NBEA: variants seen among roughly 807,000 people sequenced by gnomAD.
NBEA encodes the protein lysosomal-trafficking regulator 2.
A neutral mutation model predicts 343.4 loss-of-function variants in NBEA; 44 were observed. That is an observed-to-expected ratio of 0.13 (90% CI 0.10 to 0.16). The LOEUF (loss-of-function observed/expected upper bound fraction) is 0.16. Ranked by LOEUF, NBEA falls within the 10% of genes least tolerant of loss-of-function variation. The probability of loss-of-function intolerance (pLI) is 1.00; values close to 1 mark genes in which losing one functional copy is unlikely to be tolerated. For missense variants in NBEA, 2,555 were observed against 3,631.3 expected, an observed-to-expected ratio of 0.70 and a Z score of 7.62; for synonymous variants, 1,175 against 1,238.7, an observed-to-expected ratio of 0.95 and a Z score of 1.08.
intron 18 of NBEA, among the ~76,000 whole-genome samples, chr13:35,143,673 A>T (rs1276947673): frequency 6.6e-6 from 1 of 152,184 alleles, no homozygotes; most frequent in Non-Finnish European, 1.5e-5. Flanking sequence ...TTTTAAAAAT[A>T]AAAATGAGAG....
intron 34 of NBEA, among the ~76,000 whole-genome samples, chr13:35,259,588 A>G (rs2033021199): frequency 6.6e-6 from 1 of 151,996 alleles, no homozygotes. Context: ...ATTTTGCTAA[A>G]TCTCACAAAA....
At chr13:35,562,048 C>G (rs1283801812) in intron 44 of NBEA, among the ~76,000 whole-genome samples, 1 of 151,956 alleles carries the variant, frequency 6.6e-6, no homozygotes, top group Admixed American at 6.6e-5. Context: ...TTTTCATTCT[C>G]TGTGTGTGGT....
At chr13:35,464,531 A>AT (rs1169633912) in intron 40 of NBEA, among the ~76,000 whole-genome samples, 1 of 152,120 alleles carries the variant, frequency 6.6e-6, no homozygotes, top group Non-Finnish European at 1.5e-5. Context: ...AATGTCCAGA[A>AT]TTTTTTTCTG....
intron 33 of NBEA, among the ~76,000 whole-genome samples, chr13:35,221,132 T>G (rs1305229463): frequency 6.6e-6 from 1 of 151,866 alleles, no homozygotes; most frequent in Non-Finnish European, 1.5e-5. Flanking sequence ...GATCACAAGG[T>G]CAGGAGTTCG....
intron 41 of NBEA, among the ~76,000 whole-genome samples, chr13:35,514,958 G>A (rs960132310): frequency 1.3e-5 from 2 of 152,178 alleles, no homozygotes; most frequent in Admixed American, 6.5e-5. Context: ...AGATAAGTCC[G>A]TGTAATTCCC....
intron 35 of NBEA, among the ~76,000 whole-genome samples, chr13:35,293,200 A>G (rs990261174): frequency 1.3e-5 from 2 of 152,002 alleles, no homozygotes; most frequent in African/African-American, 4.8e-5. Flanking sequence ...TTCAGTTCAT[A>G]TGGGCAAACT....
chr13:35,320,673 A>G (rs1173924182), intron 36 of NBEA, among the ~76,000 whole-genome samples: 1 of 152,152 alleles, frequency 6.6e-6, no homozygotes, highest in Non-Finnish European at 1.5e-5. Context: ...TCTCCTGGAT[A>G]ATATCCTGAA....
chr13:35,149,908 G>T (rs2068668299), intron 18 of NBEA, among the ~76,000 whole-genome samples: 1 of 152,138 alleles, frequency 6.6e-6, no homozygotes, highest in Admixed American at 6.5e-5. Flanking sequence ...TTCCTGAAAA[G>T]TGACTCAACA....
chr13:34,979,054 T>G (rs2060270605), intron 1 of NBEA, among the ~76,000 whole-genome samples: 1 of 152,208 alleles, frequency 6.6e-6, no homozygotes, highest in Admixed American at 6.5e-5. Context: ...TATTAAGTGA[T>G]TAAAACATTT....
intron 1 of NBEA, among the ~76,000 whole-genome samples, chr13:35,034,351 G>A (rs926789821): frequency 1.3e-5 from 2 of 151,906 alleles, no homozygotes; most frequent in African/African-American, 4.8e-5. Flanking sequence ...GTATCCCAGG[G>A]ATAAATCCCA....
At chr13:35,458,813 A>G (rs2046729674) in intron 40 of NBEA, among the ~76,000 whole-genome samples, 1 of 152,070 alleles carries the variant, frequency 6.6e-6, no homozygotes, top group Admixed American at 6.6e-5. Context: ...TACCGCACCT[A>G]CTGTTACTGT....
At chr13:35,397,518 CT>C (rs1398100235) in intron 38 of NBEA, among the ~76,000 whole-genome samples, 14 of 152,118 alleles carry the variant, frequency 9.2e-5, no homozygotes, top group Non-Finnish European at 1.8e-4. Context: ...AGGGCAGAGA[CT>C]TTTTTTTACT....
At chr13:34,974,475 G>A (rs997161065) in intron 1 of NBEA, among the ~76,000 whole-genome samples, 1 of 152,124 alleles carries the variant, frequency 6.6e-6, no homozygotes, top group Non-Finnish European at 1.5e-5. Context: ...TCACAAAGAT[G>A]AACATTTAAA....
intron 36 of NBEA, among the ~76,000 whole-genome samples, chr13:35,335,402 G>A (rs1416335682): frequency 6.6e-6 from 1 of 151,916 alleles, no homozygotes; most frequent in Non-Finnish European, 1.5e-5. Context: ...ATTTTGATGG[G>A]GACTGCATTG....
intron 46 of NBEA, among the ~76,000 whole-genome samples, chr13:35,590,945 C>CTG (rs2081510588): frequency 6.6e-6 from 1 of 152,158 alleles, no homozygotes. Flanking sequence ...TAGCCATGTG[C>CTG]TGTGCTTGGG....
chr13:35,666,231 G>A (rs2085347325), intron 56 of NBEA, among the ~76,000 whole-genome samples: 1 of 152,048 alleles, frequency 6.6e-6, no homozygotes, highest in Admixed American at 6.5e-5. Context: ...GATAGGTTTG[G>A]TTGTTAGAGC....
At chr13:35,230,710 T>C (rs1325903589) in intron 33 of NBEA, among the ~76,000 whole-genome samples, 1 of 152,030 alleles carries the variant, frequency 6.6e-6, no homozygotes, top group Non-Finnish European at 1.5e-5. Context: ...TGATTATGCT[T>C]ATTCGGTGAC....
At chr13:34,975,600 A>G (rs534834803) in intron 1 of NBEA, among the ~76,000 whole-genome samples, 102 of 152,298 alleles carry the variant, frequency 6.7e-4, no homozygotes, top group African/African-American at 2.4e-3. Context: ...AATTAAACTA[A>G]AAAGCTTCAG....
At chr13:34,976,535 T>C (rs1354316854) in intron 1 of NBEA, among the ~76,000 whole-genome samples, 3 of 152,136 alleles carry the variant, frequency 2.0e-5, no homozygotes, top group Non-Finnish European at 4.4e-5. Context: ...CTTATTTATG[T>C]AACTCAACAT....
Sources: allele counts gnomAD v4.1 joint callset (sites outside exome capture counted in the v4.1 genomes callset), GRCh38; gene constraint gnomAD v4.1.1; transcripts MANE v1.5; gene names NCBI Gene and HGNC (gene_info 2026-07-23, HGNC 2026-07-21).